FCRL3: variants seen among roughly 807,000 people sequenced by gnomAD.
The protein encoded by FCRL3 is Fc receptor like 3, also known as Fc receptor-like protein 3.
Under a neutral mutation model 75.0 loss-of-function variants are expected in FCRL3, and 89 were observed. The ratio of observed to expected loss-of-function variants is 1.19; its 90% CI spans 1.00 to 1.42. FCRL3 has a LOEUF of 1.42. Ranked by LOEUF, FCRL3 falls within the 40% of genes most tolerant of loss-of-function variation. FCRL3 has a pLI of 0.00. For missense variants in FCRL3, 946 were observed against 880.0 expected, an observed-to-expected ratio of 1.07 and a Z score of -0.95; for synonymous variants, 376 against 348.5, an observed-to-expected ratio of 1.08 and a Z score of -0.88.
rs750842868 is a variant in FCRL3 at position 157,680,731 on chromosome 1, C to G, written c.1997G>C (p.Trp666Ser). ...GTTTTCTTTTGTATGCTGGATGCTCCAGATCTGGGAATAAATCGGGTTGCT... is the reference window on the plus strand; with the variant it reads ...GTTTTCTTTTGTATGCTGGATGCTCGAGATCTGGGAATAAATCGGGTTGCT... ...GDSNPIYSQI[W>S]SIQHTKENSA... Residue 666 changes from tryptophan (W) to serine (S), a missense_variant, in exon 13 of 15, where the codon TGG becomes TCG. Trp to Ser is a radical substitution (Grantham distance 177). Coordinates refer to ENST00000368184, the MANE Select transcript of FCRL3 (RefSeq NM_052939.4). 9.3e-6 allele frequency: 15 copies of G among 1,613,960 alleles called. No individual in the cohort carries two copies. Among genetic ancestry groups the G allele is most frequent in the Non-Finnish European group, 1.3e-5 (15 of 1,179,960 alleles).
At chr1:157,700,354 C>A in intron 2 of FCRL3, 105 bp downstream of exon 2, 2 of 1,555,176 alleles carry the variant, frequency 1.3e-6, no homozygotes, top group Non-Finnish European at 1.8e-6. Flanking sequence ...CCCTTGCTAT[C>A]TGTCTCTGAA....
chr1:157,696,586 A>G (rs924377510), intron 6 of FCRL3: 2 of 486,224 alleles, frequency 4.1e-6, no homozygotes, highest in East Asian at 3.4e-5. Flanking sequence ...GTCACATTTT[A>G]TATGCATTTA....
intron 4 of FCRL3, 172 bp from the exon 5 acceptor site, chr1:157,698,091 C>A (rs971945944): frequency 3.9e-6 from 3 of 777,628 alleles, no homozygotes; most frequent in African/African-American, 3.5e-5. Flanking sequence ...AAGGGTGAAC[C>A]AATTCCCAGA....
intron 4 of FCRL3, 38 bp from the exon 5 acceptor site, chr1:157,697,957 G>T (rs745978121): frequency 6.3e-7 from 1 of 1,595,766 alleles, no homozygotes; most frequent in Admixed American, 1.7e-5. Context: ...GTTATCCCCT[G>T]CTGTTTCTGC....
At chr1:157,678,999 A>G (rs764886534) in intron 13 of FCRL3, 26 bp from the exon 14 acceptor site, 2 of 1,613,690 alleles carry the variant, frequency 1.2e-6, no homozygotes, top group African/African-American at 1.3e-5. Context: ...AGCAAAGAAA[A>G]GTATTAAACT....
chr1:157,700,560 G>T lies in FCRL3; in HGVS notation c.-71C>A. 6.2e-7 allele frequency: 1 copy of T among 1,612,368 alleles called. No individual in the cohort carries two copies. Among genetic ancestry groups the T allele is most frequent in the Non-Finnish European group, 8.5e-7 (1 of 1,179,234 alleles). On this transcript the variant is annotated 5_prime_UTR_variant, in exon 2 of 15. Coordinates refer to ENST00000368184, the MANE Select transcript of FCRL3 (RefSeq NM_052939.4). Reference sequence around the variant, plus strand: ...GCCCGACTTATCTCCAAGAAGGAGGGCAGGAAGCTGCTACTCAGATGAGAC... The same window carrying T: ...GCCCGACTTATCTCCAAGAAGGAGGTCAGGAAGCTGCTACTCAGATGAGAC...
intron 11 of FCRL3, among the ~76,000 whole-genome samples, chr1:157,681,583 T>C (rs1176772721): frequency 6.6e-6 from 1 of 152,162 alleles, no homozygotes; most frequent in Non-Finnish European, 1.5e-5. Flanking sequence ...CATCATTTTT[T>C]ACAGCTGCAT....
Position 157,690,476 on chromosome 1 carries a change from C to T in FCRL3, c.1469G>A (p.Gly490Glu). The T allele has an allele frequency of 6.2e-7, 1 of 1,614,244 alleles. No homozygotes were observed. The highest frequency in any genetic ancestry group is 8.5e-7 in the Non-Finnish European group (1 of 1,180,054). The change falls in exon 9 of 15, where the codon GGG becomes GAG. Residue 490 changes from glycine (G) to glutamate (E), a missense_variant. By Grantham distance (98) the Gly-to-Glu change is moderately conservative (BLOSUM62 -2). Transcript: ENST00000368184. Reference protein sequence around the residue: ...LRAPGAQAVVGDLLELHCESL... With the variant: ...LRAPGAQAVVEDLLELHCESL... The stretch of plus-strand genomic sequence containing the variant: ...CTCACAGTGAAGCTCCAGCAGGTCC[C>T]CCACCACAGCCTGGGCCCCGGGAGC...
At chr1:157,685,422 A>G (rs921552966) in intron 10 of FCRL3, among the ~76,000 whole-genome samples, 1 of 152,148 alleles carries the variant, frequency 6.6e-6, no homozygotes, top group Non-Finnish European at 1.5e-5. Flanking sequence ...TGCAGCACCC[A>G]GAATCATAAA....
chr1:157,692,278 G>T (rs1655595431), intron 8 of FCRL3, among the ~76,000 whole-genome samples: 2 of 151,836 alleles, frequency 1.3e-5, no homozygotes, highest in South Asian at 4.2e-4. Flanking sequence ...TCACTCTGTT[G>T]CCCAGCCTGG....
In FCRL3 at chr1:157,681,034, G is replaced by A. The variant is rs1341094173; in HGVS notation, c.1904C>T (p.Pro635Leu). Residue 635 changes from proline to leucine, a missense_variant, in exon 12 of 15, where the codon CCC (proline) becomes CTC (leucine). Coordinates refer to ENST00000368184, the MANE Select transcript of FCRL3 (RefSeq NM_052939.4). ...SRPSRIDPQE[P>L]THSKPLAPME... The stretch of plus-strand genomic sequence containing the variant: ...TGGGGCTAGTGGTTTAGAGTGAGTG[G>A]GCTCTTGAGGGTCTATCCTGGAAGG... 6.2e-7 allele frequency: 1 copy of A among 1,606,690 alleles called. No homozygotes were observed. Among genetic ancestry groups the A allele is most frequent in the East Asian group, 2.2e-5 (1 of 44,806 alleles).
At chr1:157,681,150 G>A (rs770965145) in intron 11 of FCRL3, 51 bp from the exon 12 acceptor site, 2 of 1,239,402 alleles carry the variant, frequency 1.6e-6, no homozygotes, top group Admixed American at 5.4e-5. Flanking sequence ...GGGTTACACA[G>A]AATTTCAGGG....
upstream of FCRL3, chr1:157,700,812 T>G (rs1358960926): frequency 9.8e-7 from 1 of 1,021,964 alleles, no homozygotes; most frequent in African/African-American, 1.7e-5. Flanking sequence ...TTTGCTAGTA[T>G]TCAAATAATT....
chr1:157,676,944 T>C lies in FCRL3; in HGVS notation c.*1766A>G, dbSNP rs1444074547. ...AAAACCGGTTTACATATTTTCACCA[T>C]AGAGAAAAAAACAGCAGAATGTATC... On this transcript the variant is annotated 3_prime_UTR_variant, in exon 15 of 15. Coordinates refer to ENST00000368184, the MANE Select transcript of FCRL3 (RefSeq NM_052939.4). The C allele has an allele frequency of 7.8e-6, 11 of 1,408,834 alleles. No homozygotes were observed. Among genetic ancestry groups the C allele is most frequent in the East Asian group, 2.6e-5 (1 of 38,214 alleles). 87.3% of individuals were successfully genotyped at this position (1,408,834 alleles called of 1,614,324 possible).
chr1:157,677,031 A>C lies in FCRL3; in HGVS notation c.*1679T>G. On this transcript the variant is annotated 3_prime_UTR_variant, in exon 15 of 15. Coordinates refer to ENST00000368184, the MANE Select transcript of FCRL3 (RefSeq NM_052939.4). The stretch of plus-strand genomic sequence containing the variant: ...AAGGGACCTTAAAATTTTAATGCCA[A>C]TATGAACATGAACTGGCAGAGATCA... 8.0e-7 allele frequency: 1 copy of C among 1,249,742 alleles called. No individual in the cohort carries two copies. Among genetic ancestry groups the C allele is most frequent in the Non-Finnish European group, 1.0e-6 (1 of 983,686 alleles). The allele number at this position is 1,249,742 out of a possible 1,614,324, so 77.4% of individuals were successfully genotyped here.
Position 157,678,767 on chromosome 1 carries a change from T to A in FCRL3, c.2148A>T (p.Glu716Asp), listed in dbSNP as rs1012791548. ...CATTCTCATAGTTTTCTTCATCATCTTCTTCATGGGCCCTGCCTCTGCTGC... is the reference window on the plus strand; with the variant it reads ...CATTCTCATAGTTTTCTTCATCATCATCTTCATGGGCCCTGCCTCTGCTGC... Reference protein sequence around the residue: ...EASSRGRAHEEDDEENYENVP... With the variant: ...EASSRGRAHEDDDEENYENVP... Residue 716 changes from glutamate to aspartate, a missense_variant, in exon 15 of 15, where the codon GAA becomes GAT. By Grantham distance (45) the Glu-to-Asp change is conservative. Coordinates refer to ENST00000368184, the MANE Select transcript of FCRL3 (RefSeq NM_052939.4). The A allele has an allele frequency of 1.2e-6, 2 of 1,614,104 alleles. No homozygotes were observed. Among genetic ancestry groups the A allele is most frequent in the Non-Finnish European group, 8.5e-7 (1 of 1,179,986 alleles).
At chr1:157,690,640 A>G in intron 8 of FCRL3, 107 bp from the exon 9 acceptor site, 1 of 1,383,536 alleles carries the variant, frequency 7.2e-7, no homozygotes, top group South Asian at 1.4e-5. Context: ...ATGCACCTGG[A>G]TTCTGGAGAA....
At chr1:157,689,350 C>T (rs1655363421) in intron 10 of FCRL3, among the ~76,000 whole-genome samples, 1 of 152,126 alleles carries the variant, frequency 6.6e-6, no homozygotes, top group African/African-American at 2.4e-5. Context: ...AGTTGTGTTT[C>T]TATACACTAG....
chr1:157,680,217 G>C (rs114665570), intron 13 of FCRL3, among the ~76,000 whole-genome samples: 5,539 of 152,280 alleles, frequency 0.036, 321 homozygotes, highest in African/African-American at 0.13. Flanking sequence ...GGAGGAGCCA[G>C]CGTGCAGAAG....
Sources: allele counts gnomAD v4.1 joint callset (sites outside exome capture counted in the v4.1 genomes callset), GRCh38; gene constraint gnomAD v4.1.1; transcripts MANE v1.5; gene names NCBI Gene and HGNC (gene_info 2026-07-23, HGNC 2026-07-21).